Variants in AHCYL2 observed in about 807,000 individuals in gnomAD.
AHCYL2 encodes the protein S-adenosylhomocysteine hydrolase-like protein 2.
A neutral mutation model predicts 81.4 loss-of-function variants in AHCYL2; 28 were observed. The ratio of observed to expected loss-of-function variants is 0.34; its 90% confidence interval spans 0.25 to 0.47. AHCYL2 has a LOEUF of 0.47. Among genes scored for constraint, AHCYL2 ranks in the 20% least tolerant of loss-of-function variants. AHCYL2 has a pLI of 1.00. For missense variants in AHCYL2, 551 were observed against 785.1 expected, an observed-to-expected ratio of 0.70 and a Z score of 3.56; for synonymous variants, 272 against 290.2, an observed-to-expected ratio of 0.94 and a Z score of 0.64.
chr7:129,296,672 T>C (rs1297481206), intron 1 of AHCYL2, among the ~76,000 whole-genome samples: 1 of 152,194 alleles, frequency 6.6e-6, no homozygotes, highest in African/African-American at 2.4e-5. Flanking sequence ...ATCATGTCAC[T>C]GTACTCTATC....
rs1045629735 is a variant in AHCYL2 at position 129,282,116 on chromosome 7, T to C, written c.363+56677T>C. ...ACTTTGTATGACTCTAATTCTTTTA[T>C]ATTTATTGAGGATTGATTTATGGCC... On this transcript the variant is annotated intron_variant, in intron 1 of 16. Coordinates refer to ENST00000325006, the MANE Select transcript of AHCYL2 (RefSeq NM_015328.4). 3.3e-5 allele frequency among the ~76,000 whole-genome samples: 5 copies of C among 152,352 alleles called. No individual in the cohort carries two copies. The South Asian group carries it at 1.0e-3, about 32-fold the overall frequency.
At chr7:129,367,992 A>T (rs1375188340) in intron 1 of AHCYL2, 3 of 582,416 alleles carry the variant, frequency 5.2e-6, no homozygotes, top group Non-Finnish European at 6.5e-6. Context: ...CTGTTTACTG[A>T]TCCAAATCAA....
At chr7:129,276,753 A>AAG (rs1322178654) in intron 1 of AHCYL2, among the ~76,000 whole-genome samples, 1 of 149,334 alleles carries the variant, frequency 6.7e-6, no homozygotes, top group Admixed American at 6.7e-5. Context: ...AAAAAAAAAG[A>AAG]AAAAAACCAC....
chr7:129,412,842 CT>C (rs1563244932), intron 11 of AHCYL2, among the ~76,000 whole-genome samples: 1 of 151,762 alleles, frequency 6.6e-6, no homozygotes, highest in Non-Finnish European at 1.5e-5. Flanking sequence ...AGATCCTTTT[CT>C]TTTTTTTCTT....
rs144073450 is a variant in AHCYL2, at chr7:129,412,373, C to T, written c.1367-1221C>T. On this transcript the variant is annotated intron_variant, in intron 11 of 16. Transcript: ENST00000325006. ...CTGGCTCACTGCAACTTCCACCTCC[C>T]GTGTGCAAGGGATTCTCCTGCCTCA... Among the ~76,000 whole-genome samples, 1,167 of 151,664 alleles carry T rather than the reference C, an allele frequency of 7.7e-3. 18 individuals carry two copies. The highest frequency in any genetic ancestry group is 0.027 in the African/African-American group (1,107 of 41,292).
rs530178520 is a variant in AHCYL2 at position 129,231,247 on chromosome 7, GA to G, written c.363+5818del. ...GAATGAGACTCTGTCTCAAAAAAAA[GA>G]AAAAAAAAAGCTGCTTTAGGAGCTG... On this transcript the variant is annotated intron_variant, in intron 1 of 16. Transcript: ENST00000325006. 1.4e-3 allele frequency among the ~76,000 whole-genome samples: 210 copies of G among 146,662 alleles called. 1 individual carries two copies. Among genetic ancestry groups the G allele is most frequent in the Non-Finnish European group, 1.8e-3 (118 of 66,218 alleles).
chr7:129,237,960 T>A (rs1184616831), intron 1 of AHCYL2, among the ~76,000 whole-genome samples: 1 of 152,106 alleles, frequency 6.6e-6, no homozygotes, highest in Non-Finnish European at 1.5e-5. Context: ...GACCTTGTGA[T>A]CCACCTGCTT....
intron 1 of AHCYL2, among the ~76,000 whole-genome samples, chr7:129,236,169 C>G (rs1794637598): frequency 6.6e-6 from 1 of 151,562 alleles, no homozygotes; most frequent in South Asian, 2.1e-4. Context: ...ACTACAGGTA[C>G]ACGCTGCCAC....
intron 1 of AHCYL2, among the ~76,000 whole-genome samples, chr7:129,249,476 A>G (rs895606101): frequency 5.9e-5 from 9 of 151,596 alleles, no homozygotes; most frequent in Middle Eastern, 3.2e-3. Flanking sequence ...CGGACTGCGG[A>G]CTGCAGTGGC....
chr7:129,235,203 C>T (rs1488165735), intron 1 of AHCYL2, among the ~76,000 whole-genome samples: 1 of 152,030 alleles, frequency 6.6e-6, no homozygotes, highest in African/African-American at 2.4e-5. Context: ...TCTGTGACAC[C>T]GATCTTTACT....
intron 1 of AHCYL2, among the ~76,000 whole-genome samples, chr7:129,310,017 C>G (rs1797596571): frequency 2.0e-5 from 3 of 152,000 alleles, no homozygotes; most frequent in Non-Finnish European, 4.4e-5. Flanking sequence ...TCATTTTTAC[C>G]TTTTTCCTTT....
rs201292862 is a variant in AHCYL2, at chr7:129,272,909, T to TA, written c.363+47470_363+47471insA. Among the ~76,000 whole-genome samples the TA allele has an allele frequency of 4.6e-5, 7 of 151,960 alleles. No homozygotes were observed. The East Asian group carries it at 1.2e-3, about 25-fold the overall frequency. On this transcript the variant is annotated intron_variant, in intron 1 of 16. Coordinates refer to ENST00000325006, the MANE Select transcript of AHCYL2 (RefSeq NM_015328.4). Reference sequence around the variant, plus strand: ...GCTTCAAATGGCCAATGACTTTTATTTTATTATTATTATTATTATTTTGAG... The same window carrying TA: ...GCTTCAAATGGCCAATGACTTTTATTATTATTATTATTATTATTATTTTGAG...
At chr7:129,225,606 C>T (rs867937399) in intron 1 of AHCYL2, among the ~76,000 whole-genome samples, 167 bp downstream of exon 1, 2 of 152,288 alleles carry the variant, frequency 1.3e-5, no homozygotes, top group African/African-American at 2.4e-5. Flanking sequence ...CCAGCCGGCC[C>T]CTCGTGCTGG....
intron 1 of AHCYL2, among the ~76,000 whole-genome samples, chr7:129,356,064 A>G (rs1170529936): frequency 6.6e-6 from 1 of 152,160 alleles, no homozygotes; most frequent in African/African-American, 2.4e-5. Flanking sequence ...TATTATAGGA[A>G]CTTTTCTCTC....
intron 1 of AHCYL2, among the ~76,000 whole-genome samples, chr7:129,285,517 G>C (rs1796596523): frequency 6.6e-6 from 1 of 151,950 alleles, no homozygotes; most frequent in African/African-American, 2.4e-5. Flanking sequence ...CTAAATTTCA[G>C]TTTTGGCAAG....
chr7:129,363,766 G>A (rs1794012349), intron 1 of AHCYL2, among the ~76,000 whole-genome samples: 1 of 151,936 alleles, frequency 6.6e-6, no homozygotes, highest in African/African-American at 2.4e-5. Context: ...TCAAACTCCT[G>A]GCCTTAAGTG....
rs746614999 is a variant in AHCYL2, at chr7:129,389,231, C to A, written c.619+32C>A. ...AAAACAAGCACCTTTTCCTTCTTAA[C>A]CTACCTGTGTCTTTTTGTCCATATT... On this transcript the variant is annotated intron_variant, in intron 3 of 16. Transcript: ENST00000325006. The A allele has an allele frequency of 9.3e-6, 15 of 1,613,230 alleles. No homozygotes were observed. The Middle Eastern group carries it at 5.0e-4, about 53-fold the overall frequency.
chr7:129,362,997 C>T (rs1335370239), intron 1 of AHCYL2, among the ~76,000 whole-genome samples: 2 of 152,024 alleles, frequency 1.3e-5, no homozygotes, highest in Non-Finnish European at 2.9e-5. Flanking sequence ...TCAGATCATC[C>T]GGCAGGCCAT....
chr7:129,270,072 G>A (rs1795953784), intron 1 of AHCYL2, among the ~76,000 whole-genome samples: 1 of 152,166 alleles, frequency 6.6e-6, no homozygotes, highest in Non-Finnish European at 1.5e-5. Flanking sequence ...TTTGGTAGAA[G>A]CAAGGTCAAA....
Sources: allele counts gnomAD v4.1 joint callset (sites outside exome capture counted in the v4.1 genomes callset), GRCh38; gene constraint gnomAD v4.1.1; transcripts MANE v1.5; gene names NCBI Gene and HGNC (gene_info 2026-07-23, HGNC 2026-07-21).